Variants in MOGAT2 observed in about 807,000 individuals in gnomAD.
The protein encoded by MOGAT2 is 2-acylglycerol O-acyltransferase 2.
MOGAT2 carries 27 observed loss-of-function variants against 31.5 expected under a neutral mutation model. That is an observed-to-expected ratio of 0.86 (90% CI 0.63 to 1.18). MOGAT2 has a LOEUF of 1.18. Ranked by LOEUF, MOGAT2 falls within the 50% of genes most tolerant of loss-of-function variation. The pLI, the probability that MOGAT2 is intolerant of heterozygous loss-of-function variation, is 0.00. For missense variants in MOGAT2, 436 were observed against 433.2 expected (o/e 1.01, Z -0.06); for synonymous variants, 163 against 170.0 (o/e 0.96, Z 0.32).
intron 2 of MOGAT2, 64 bp downstream of exon 2, chr11:75,720,234 G>C: frequency 9.1e-6 from 14 of 1,542,464 alleles, no homozygotes; most frequent in Non-Finnish European, 1.2e-5. Context: ...GGGCCAGAGT[G>C]CCGACGTCTC....
intron 2 of MOGAT2, 139 bp downstream of exon 2, chr11:75,720,309 T>G: frequency 1.1e-6 from 1 of 885,934 alleles, no homozygotes; most frequent in South Asian, 1.8e-5. Context: ...GAGCTAGGGC[T>G]TCCGCTACTA....
In MOGAT2 at chr11:75,718,652, C is replaced by A. The variant is rs541215285; in HGVS notation, c.91+673C>A. The stretch of plus-strand genomic sequence containing the variant: ...TGCTTGGCACAGACCTGGCCTGGAC[C>A]CTGGGCTGGGCTCACACTGGAGGGC... On this transcript the variant is annotated intron_variant, in intron 1 of 5. Coordinates refer to ENST00000198801, the MANE Select transcript of MOGAT2 (RefSeq NM_025098.4). Among the ~76,000 whole-genome samples, 47 of 152,226 alleles carry A rather than the reference C, an allele frequency of 3.1e-4. No individual in the cohort carries two copies. The East Asian group carries it at 8.9e-3, about 29-fold the overall frequency.
chr11:75,721,659 C>T (rs934500076), intron 2 of MOGAT2, among the ~76,000 whole-genome samples: 2 of 152,190 alleles, frequency 1.3e-5, no homozygotes, highest in East Asian at 1.9e-4. Context: ...GAAGTGTGGT[C>T]GTGACCTCGA....
intron 2 of MOGAT2, among the ~76,000 whole-genome samples, 157 bp from the exon 3 acceptor site, chr11:75,727,278 C>G (rs1170697969): frequency 6.6e-6 from 1 of 152,158 alleles, no homozygotes; most frequent in Non-Finnish European, 1.5e-5. Flanking sequence ...CTGTCACATA[C>G]CATATCTGAA....
intron 5 of MOGAT2, 169 bp from the exon 6 acceptor site, chr11:75,730,963 C>CGTT: frequency 2.3e-6 from 1 of 440,360 alleles, no homozygotes; most frequent in East Asian, 3.6e-5. Flanking sequence ...GAAATCCAGC[C>CGTT]GTTGTTATTA....
At chr11:75,731,096 C>T in intron 5 of MOGAT2, 36 bp from the exon 6 acceptor site, 1 of 1,592,432 alleles carries the variant, frequency 6.3e-7, no homozygotes, top group South Asian at 1.1e-5. Context: ...GGTCCCTTGC[C>T]TACCCTAGGC....
intron 1 of MOGAT2, among the ~76,000 whole-genome samples, chr11:75,718,293 G>T (rs922001120): frequency 2.6e-5 from 4 of 152,190 alleles, no homozygotes; most frequent in African/African-American, 9.7e-5. Context: ...AAGCCTCTGG[G>T]CGATGACGGG....
intron 2 of MOGAT2, among the ~76,000 whole-genome samples, chr11:75,721,428 G>A (rs1381271177): frequency 1.3e-5 from 2 of 152,092 alleles, no homozygotes; most frequent in African/African-American, 4.8e-5. Flanking sequence ...GGCTACAGGT[G>A]CCGGCCACCA....
At chr11:75,720,822 C>G (rs1180261956) in intron 2 of MOGAT2, among the ~76,000 whole-genome samples, 1 of 152,182 alleles carries the variant, frequency 6.6e-6, no homozygotes, top group Admixed American at 6.5e-5. Flanking sequence ...AAATCTCTGG[C>G]TTTCCGACTC....
intron 5 of MOGAT2, among the ~76,000 whole-genome samples, chr11:75,730,146 G>A (rs1157474737): frequency 6.6e-6 from 1 of 152,180 alleles, no homozygotes; most frequent in East Asian, 1.9e-4. Context: ...ACTCCCCTGT[G>A]TTGTGTAGCA....
In MOGAT2 at chr11:75,727,434, G is replaced by A. The variant is rs1944430531; in HGVS notation, c.271-1G>A. The A allele has an allele frequency of 1.9e-6, 3 of 1,612,610 alleles. No homozygotes were observed. The East Asian group carries it at 6.7e-5, about 36-fold the overall frequency. On this transcript the variant is annotated splice_acceptor_variant, in intron 2 of 5. Coordinates refer to ENST00000198801, the MANE Select transcript of MOGAT2 (RefSeq NM_025098.4). LOFTEE classifies it high-confidence loss of function. ...GGCTCAGCAGGTTGCCGTCCCTGCAGCTGGTCAAGACTGCTGAGCTGGACC... is the reference window on the plus strand; with the variant it reads ...GGCTCAGCAGGTTGCCGTCCCTGCAACTGGTCAAGACTGCTGAGCTGGACC...
At position 75,727,560 on chromosome 11, in the gene MOGAT2, C is replaced by A. The variant is rs1391026968; in HGVS notation, c.396C>A (p.Phe132Leu). ...CTESTGFSSI[F>L]PGIRPHLMML... The stretch of plus-strand genomic sequence containing the variant: ...AGAGCACAGGCTTCTCTTCGATCTT[C>A]CCCGGTATCCGCCCCCATCTGATGA... The change falls in exon 3 of 6, where the codon TTC becomes TTA. Residue 132 changes from phenylalanine (F) to leucine (L), a missense_variant. Physicochemically the swap from Phe to Leu is conservative, Grantham distance 22 (BLOSUM62 0). Transcript: ENST00000198801. The A allele has an allele frequency of 2.5e-6, 4 of 1,614,206 alleles. No individual in the cohort carries two copies. Among genetic ancestry groups the A allele is most frequent in the Non-Finnish European group, 3.4e-6 (4 of 1,180,030 alleles).
At chr11:75,719,243 T>C (rs1173149409) in intron 1 of MOGAT2, 1 of 152,292 alleles carries the variant, frequency 6.6e-6, no homozygotes, top group African/African-American at 2.4e-5. Flanking sequence ...ACACTAGGCC[T>C]GGTCTTAGCC....
rs1487894106 is a variant in MOGAT2, at chr11:75,719,978, T to C, written c.92-14T>C. 6.2e-7 allele frequency: 1 copy of C among 1,611,712 alleles called. No individual in the cohort carries two copies. The highest frequency in any genetic ancestry group is 1.7e-5 in the Admixed American group (1 of 59,968). On this transcript the variant is annotated splice_polypyrimidine_tract_variant and intron_variant, in intron 1 of 5. Transcript: ENST00000198801. ...CAGACCCCTGTCCCTGACAGCTCCTTCTTCCCTCCCCAGCCGAGATCTGCA... is the reference window on the plus strand; with the variant it reads ...CAGACCCCTGTCCCTGACAGCTCCTCCTTCCCTCCCCAGCCGAGATCTGCA...
intron 1 of MOGAT2, among the ~76,000 whole-genome samples, chr11:75,718,657 G>A (rs1214468263): frequency 6.6e-6 from 1 of 152,188 alleles, no homozygotes; most frequent in East Asian, 1.9e-4. Context: ...TGGACCCTGG[G>A]CTGGGCTCAC....
intron 2 of MOGAT2, among the ~76,000 whole-genome samples, chr11:75,720,834 T>C (rs2135731440): frequency 6.6e-6 from 1 of 152,288 alleles, no homozygotes. Flanking sequence ...TTCCGACTCC[T>C]GTCACCTCGT....
At chr11:75,730,923 AAAAAAAG>A (rs1225310923) in intron 5 of MOGAT2, 17 of 317,238 alleles carry the variant, frequency 5.4e-5, no homozygotes, top group Middle Eastern at 9.3e-4. Flanking sequence ...TCAAAAAAAA[AAAAAAAG>A]AAAAGAAAAG....
intron 1 of MOGAT2, 67 bp downstream of exon 1, chr11:75,718,046 G>A: frequency 7.0e-7 from 1 of 1,430,492 alleles, no homozygotes; most frequent in Non-Finnish European, 9.8e-7. Flanking sequence ...GCCACACCAG[G>A]TGCACACAGC....
At chr11:75,721,979 C>T (rs1004151330) in intron 2 of MOGAT2, among the ~76,000 whole-genome samples, 2 of 152,284 alleles carry the variant, frequency 1.3e-5, no homozygotes, top group African/African-American at 4.8e-5. Flanking sequence ...AGCAGGGCCT[C>T]CAGGGCAAAG....
Sources: gnomAD v4.1 joint callset for allele counts (sites outside exome capture counted in the v4.1 genomes callset) on GRCh38, gnomAD v4.1.1 for gene constraint, MANE v1.5 for transcripts, NCBI Gene and HGNC (gene_info 2026-07-23, HGNC 2026-07-21) for gene names.